Variants in CACNA2D3 observed in about 807,000 individuals in gnomAD.
The protein encoded by CACNA2D3 is voltage-dependent calcium channel subunit alpha-2/delta-3.
Under a neutral mutation model 160.6 loss-of-function variants are expected in CACNA2D3, and 60 were observed. That is an observed-to-expected ratio of 0.37 (90% CI 0.30 to 0.46). The LOEUF (loss-of-function observed/expected upper bound fraction) is 0.46. Ranked by LOEUF, CACNA2D3 falls within the 20% of genes least tolerant of loss-of-function variation. The pLI is 1.00. For missense variants in CACNA2D3, 1,205 were observed against 1,365.0 expected, an observed-to-expected ratio of 0.88 and a Z score of 1.85; for synonymous variants, 558 against 492.9, an observed-to-expected ratio of 1.13 and a Z score of -1.75.
chr3:54,640,083 G>C (rs1235917833), intron 10 of CACNA2D3, among the ~76,000 whole-genome samples: 7 of 152,174 alleles, frequency 4.6e-5, no homozygotes, highest in African/African-American at 1.7e-4. Context: ...AATGTCATCA[G>C]TTAAGGTGGG....
intron 2 of CACNA2D3, among the ~76,000 whole-genome samples, chr3:54,285,223 T>C (rs1327505019): frequency 2.0e-5 from 3 of 152,122 alleles, no homozygotes; most frequent in East Asian, 1.9e-4. Flanking sequence ...ATCGGGTCAC[T>C]CCCACCCTAA....
At chr3:54,689,664 C>T (rs1329615995) in intron 11 of CACNA2D3, among the ~76,000 whole-genome samples, 1 of 152,138 alleles carries the variant, frequency 6.6e-6, no homozygotes, top group South Asian at 2.1e-4. Flanking sequence ...TCTCTCTTAA[C>T]CCTCAACAAG....
At chr3:54,400,857 A>G (rs952371632) in intron 4 of CACNA2D3, among the ~76,000 whole-genome samples, 22 of 152,216 alleles carry the variant, frequency 1.4e-4, no homozygotes, top group African/African-American at 5.1e-4. Flanking sequence ...GAAACAGGAC[A>G]TTGCCAAAGT....
chr3:54,692,887 C>T (rs1050903335), intron 11 of CACNA2D3, among the ~76,000 whole-genome samples: 6 of 152,158 alleles, frequency 3.9e-5, no homozygotes, highest in African/African-American at 1.4e-4. Context: ...TGAGAATTTA[C>T]CCAGCAAGTG....
chr3:54,331,774 A>G (rs1704262047), intron 3 of CACNA2D3, among the ~76,000 whole-genome samples: 1 of 152,192 alleles, frequency 6.6e-6, no homozygotes, highest in Admixed American at 6.5e-5. Flanking sequence ...TTAACATTTG[A>G]GGATGTTTAG....
intron 11 of CACNA2D3, among the ~76,000 whole-genome samples, chr3:54,665,947 A>T (rs2106889393): frequency 6.6e-6 from 1 of 152,168 alleles, no homozygotes; most frequent in African/African-American, 2.4e-5. Flanking sequence ...GACTACAGGG[A>T]TGTGCCACCA....
At chr3:54,472,955 G>T (rs1032676160) in intron 4 of CACNA2D3, among the ~76,000 whole-genome samples, 2 of 152,168 alleles carry the variant, frequency 1.3e-5, no homozygotes, top group Admixed American at 6.5e-5. Flanking sequence ...CGGCCATAAT[G>T]CCCAAAGTAA....
At chr3:54,213,942 G>T (rs1052053388) in intron 2 of CACNA2D3, among the ~76,000 whole-genome samples, 1 of 152,204 alleles carries the variant, frequency 6.6e-6, no homozygotes, top group Non-Finnish European at 1.5e-5. Context: ...AGAGGCCCAG[G>T]AATCAGTTGA....
intron 3 of CACNA2D3, among the ~76,000 whole-genome samples, chr3:54,376,428 A>G (rs1423048628): frequency 6.6e-6 from 1 of 152,186 alleles, no homozygotes; most frequent in Non-Finnish European, 1.5e-5. Flanking sequence ...CCTTTGGTGT[A>G]AAGTTAGGAT....
intron 11 of CACNA2D3, among the ~76,000 whole-genome samples, chr3:54,680,209 T>G (rs1016858604): frequency 2.0e-5 from 3 of 152,154 alleles, no homozygotes; most frequent in Admixed American, 2.0e-4. Flanking sequence ...GCTATGTCCC[T>G]GGATCAAATG....
At chr3:54,674,251 C>A (rs1015311229) in intron 11 of CACNA2D3, among the ~76,000 whole-genome samples, 1 of 152,116 alleles carries the variant, frequency 6.6e-6, no homozygotes, top group African/African-American at 2.4e-5. Context: ...GCTGATGATA[C>A]AGAGCATTAT....
intron 11 of CACNA2D3, among the ~76,000 whole-genome samples, chr3:54,726,106 A>G (rs1318612086): frequency 6.6e-6 from 1 of 152,192 alleles, no homozygotes. Flanking sequence ...AAGCATTCCT[A>G]TACACCAATA....
At chr3:54,848,550 C>T (rs201977001) in intron 17 of CACNA2D3, among the ~76,000 whole-genome samples, 1 of 120,348 alleles carries the variant, frequency 8.3e-6, no homozygotes, top group African/African-American at 3.0e-5. Flanking sequence ...ATCTGTCTCT[C>T]ACCCTGAGGC....
At chr3:54,411,883 T>A (rs939434154) in intron 4 of CACNA2D3, among the ~76,000 whole-genome samples, 5 of 152,338 alleles carry the variant, frequency 3.3e-5, no homozygotes, top group Non-Finnish European at 5.9e-5. Flanking sequence ...ACTACACTTG[T>A]GATGAGTGTT....
At chr3:54,948,436 G>A (rs1389587377) in intron 27 of CACNA2D3, among the ~76,000 whole-genome samples, 2 of 152,186 alleles carry the variant, frequency 1.3e-5, no homozygotes, top group African/African-American at 4.8e-5. Flanking sequence ...CTTCTTCATT[G>A]TCCAGAACTT....
chr3:54,245,925 A>G (rs1215758016), intron 2 of CACNA2D3, among the ~76,000 whole-genome samples: 2 of 152,244 alleles, frequency 1.3e-5, no homozygotes, highest in Non-Finnish European at 2.9e-5. Flanking sequence ...CTGGAGTTCC[A>G]AGCAATCTGC....
intron 18 of CACNA2D3, among the ~76,000 whole-genome samples, chr3:54,874,058 T>G (rs1699604934): frequency 6.6e-6 from 1 of 152,166 alleles, no homozygotes; most frequent in Non-Finnish European, 1.5e-5. Context: ...GCAGAGAATT[T>G]CTTGGAAGGT....
Position 54,668,756 on chromosome 3 carries a change from T to C in CACNA2D3, c.1167+26515T>C, listed in dbSNP as rs577000871. Among the ~76,000 whole-genome samples the C allele has an allele frequency of 2.6e-4, 39 of 152,396 alleles. No individual in the cohort carries two copies. The South Asian group carries it at 8.1e-3, about 32-fold the overall frequency. On this transcript the variant is annotated intron_variant, in intron 11 of 37. Coordinates refer to ENST00000474759, the MANE Select transcript of CACNA2D3 (RefSeq NM_018398.3). ...GGGAACCAGTCAATTCTGTGGTTTCTGCAAGTGTTCCTTCAAGATGGCAGT... is the reference window on the plus strand; with the variant it reads ...GGGAACCAGTCAATTCTGTGGTTTCCGCAAGTGTTCCTTCAAGATGGCAGT...
intron 2 of CACNA2D3, among the ~76,000 whole-genome samples, chr3:54,198,861 C>T (rs962949238): frequency 6.6e-6 from 1 of 152,260 alleles, no homozygotes; most frequent in African/African-American, 2.4e-5. Flanking sequence ...TGTTCTTCCA[C>T]GGATTTTTCT....
Sources: allele counts gnomAD v4.1 joint callset (sites outside exome capture counted in the v4.1 genomes callset), GRCh38; gene constraint gnomAD v4.1.1; transcripts MANE v1.5; gene names NCBI Gene and HGNC (gene_info 2026-07-23, HGNC 2026-07-21).